The following FREM1 variants were observed in gnomAD, a reference collection of about 807,000 sequenced individuals.
FREM1 encodes FRAS1-related extracellular matrix protein 1.
FREM1 carries 220 observed loss-of-function variants against 210.1 expected under a neutral mutation model. That is an observed-to-expected ratio of 1.05 (90% CI 0.94 to 1.17). The LOEUF (loss-of-function observed/expected upper bound fraction) is 1.17, where lower values mean the gene tolerates loss of function less well. Among genes scored for constraint, FREM1 ranks in the 50% most tolerant of loss-of-function variants. FREM1 has a pLI of 0.00. For synonymous variants in FREM1, 1,189 were observed against 980.2 expected, an observed-to-expected ratio of 1.21 and a Z score of -3.98; for missense variants, 3,454 against 2,675.5, an observed-to-expected ratio of 1.29 and a Z score of -6.42.
intron 20 of FREM1, among the ~76,000 whole-genome samples, chr9:14,799,989 T>C (rs1853226494): frequency 8.0e-6 from 1 of 124,944 alleles, no homozygotes; most frequent in Non-Finnish European, 1.6e-5. Flanking sequence ...GATGTTCCCC[T>C]TCCTGTGTCC....
chr9:14,769,801 G>T lies in FREM1; in HGVS notation c.5127C>A (p.Asn1709Lys). The change falls in exon 27 of 37, where the codon AAC becomes AAA. Residue 1709 changes from asparagine (N) to lysine (K), a missense_variant. By Grantham distance (94) the Asn-to-Lys change is moderately conservative. Transcript: ENST00000380880. ...TATCTGAATTTACTTCCAAAGATGG[G>T]TTTATGATGTAAAGAATAGTCTTAC... ...LNSKTILYIINPSLEVNSDTV... is the reference protein window; with the variant it reads ...LNSKTILYIIKPSLEVNSDTV... 6.2e-7 allele frequency: 1 copy of T among 1,609,558 alleles called. No homozygotes were observed. Among genetic ancestry groups the T allele is most frequent in the Non-Finnish European group, 8.5e-7 (1 of 1,176,516 alleles).
chr9:14,846,318 A>G (rs1247366928), intron 7 of FREM1, among the ~76,000 whole-genome samples: 1 of 152,140 alleles, frequency 6.6e-6, no homozygotes, highest in Non-Finnish European at 1.5e-5. Flanking sequence ...ATGAGAACAC[A>G]TGGACACAGG....
intron 20 of FREM1, among the ~76,000 whole-genome samples, 174 bp downstream of exon 20, chr9:14,801,478 C>T (rs1001367695): frequency 6.6e-6 from 1 of 152,156 alleles, no homozygotes; most frequent in South Asian, 2.1e-4. Flanking sequence ...CCTGTCTAAC[C>T]GAAATTTCAT....
At chr9:14,910,699 C>CCA (rs1208090005), upstream of FREM1, 3 of 152,464 alleles carry the variant, frequency 2.0e-5, no homozygotes, top group African/African-American at 2.4e-5. Context: ...CACGCATGCT[C>CCA]CACACACACA....
intron 35 of FREM1, among the ~76,000 whole-genome samples, chr9:14,741,526 C>T (rs1300014584): frequency 6.6e-6 from 1 of 152,184 alleles, no homozygotes; most frequent in Non-Finnish European, 1.5e-5. Flanking sequence ...CTGACAGTTA[C>T]AGCAGGTATG....
intron 1 of FREM1, among the ~76,000 whole-genome samples, chr9:14,897,054 G>A (rs1032911153): frequency 1.3e-5 from 2 of 152,144 alleles, no homozygotes; most frequent in Non-Finnish European, 2.9e-5. Flanking sequence ...AAATTTTATG[G>A]TAAATGACAA....
chr9:14,898,581 A>G (rs1838190822), intron 1 of FREM1, among the ~76,000 whole-genome samples: 1 of 152,176 alleles, frequency 6.6e-6, no homozygotes, highest in Non-Finnish European at 1.5e-5. Flanking sequence ...GTCACTACCA[A>G]AAATACAAAA....
intron 30 of FREM1, 79 bp from the exon 31 acceptor site, chr9:14,748,718 G>A: frequency 1.1e-6 from 1 of 926,174 alleles, no homozygotes; most frequent in Non-Finnish European, 1.7e-6. Context: ...AGCTCCTGGA[G>A]CAGCTTGTCA....
chr9:14,744,032 T>C (rs1051678897), intron 35 of FREM1, among the ~76,000 whole-genome samples: 2 of 152,086 alleles, frequency 1.3e-5, no homozygotes, highest in Admixed American at 1.3e-4. Context: ...ACTAAGGAAA[T>C]ATATGTATTT....
chr9:14,770,903 GT>G, intron 25 of FREM1, 97 bp from the exon 26 acceptor site: 1 of 823,646 alleles, frequency 1.2e-6, no homozygotes. Flanking sequence ...ACTGTCCCAC[GT>G]TTTGGATTCC....
intron 10 of FREM1, among the ~76,000 whole-genome samples, chr9:14,833,049 A>C (rs917084457): frequency 1.2e-4 from 18 of 152,118 alleles, no homozygotes; most frequent in African/African-American, 4.3e-4. Flanking sequence ...CCATGTGGCA[A>C]TACTTTGTTT....
chr9:14,861,260 CACATATACACATATATACATATAT>C (rs1564107673), intron 3 of FREM1, among the ~76,000 whole-genome samples: 8 of 85,388 alleles, frequency 9.4e-5, no homozygotes, highest in East Asian at 1.1e-3. Flanking sequence ...TACATATATA[CACATATACACATATATACATATAT>C]ACATATATAC....
chr9:14,860,534 TATATATATACAC>T (rs2131584499), intron 3 of FREM1, among the ~76,000 whole-genome samples: 1 of 107,464 alleles, frequency 9.3e-6, no homozygotes, highest in South Asian at 2.6e-4. Context: ...AGTAGGTATG[TATATATATACAC>T]ATATATATAC....
intron 35 of FREM1, among the ~76,000 whole-genome samples, chr9:14,745,421 G>C (rs1842238381): frequency 1.3e-5 from 2 of 152,016 alleles, no homozygotes; most frequent in African/African-American, 4.8e-5. Flanking sequence ...TGACCAACTG[G>C]ACATCTACTC....
chr9:14,898,403 C>T (rs965071099), intron 1 of FREM1, among the ~76,000 whole-genome samples: 1 of 152,196 alleles, frequency 6.6e-6, no homozygotes, highest in Non-Finnish European at 1.5e-5. Context: ...ATTTTAAAAG[C>T]TACCACTGTG....
At chr9:14,769,351 A>G (rs970844469) in intron 27 of FREM1, among the ~76,000 whole-genome samples, 2 of 152,202 alleles carry the variant, frequency 1.3e-5, no homozygotes, top group African/African-American at 2.4e-5. Context: ...AGAAGGCTAT[A>G]GTTGCTAACA....
At chr9:14,812,358 A>G (rs778575855) in intron 16 of FREM1, among the ~76,000 whole-genome samples, 14 of 152,202 alleles carry the variant, frequency 9.2e-5, no homozygotes, top group Non-Finnish European at 1.3e-4. Flanking sequence ...TGGGTAAGAC[A>G]TTATCGTTAC....
chr9:14,769,895 T>C, intron 26 of FREM1, 27 bp from the exon 27 acceptor site: 1 of 1,168,300 alleles, frequency 8.6e-7, no homozygotes, highest in Non-Finnish European at 1.2e-6. Flanking sequence ...ATGAATATCA[T>C]GGGTAATCAA....
intron 1 of FREM1, among the ~76,000 whole-genome samples, chr9:14,882,440 T>C (rs1174872436): frequency 6.6e-6 from 1 of 151,124 alleles, no homozygotes; most frequent in Non-Finnish European, 1.5e-5. Flanking sequence ...ATCCCGATTA[T>C]TATTTTTTTA....
Sources: gnomAD v4.1 joint callset for allele counts (sites outside exome capture counted in the v4.1 genomes callset) on GRCh38, gnomAD v4.1.1 for gene constraint, MANE v1.5 for transcripts, NCBI Gene and HGNC (gene_info 2026-07-23, HGNC 2026-07-21) for gene names.